The following GRIK1 variants were observed in gnomAD, a reference collection of about 807,000 sequenced individuals.
GRIK1 encodes the protein glutamate receptor ionotropic, kainate 1.
A neutral mutation model predicts 105.7 loss-of-function variants in GRIK1; 69 were observed. That is an observed-to-expected ratio of 0.65 (90% confidence interval 0.54 to 0.80). GRIK1 has a LOEUF of 0.80. GRIK1 is among the 30% of genes least tolerant of loss of function. The pLI, the probability that GRIK1 is intolerant of heterozygous loss-of-function variation, is 0.00. For synonymous variants in GRIK1, 438 were observed against 431.3 expected (o/e 1.02, Z -0.19); for missense variants, 1,109 against 1,167.3 (o/e 0.95, Z 0.73).
chr21:29,810,296 T>TA (rs11317254), intron 1 of GRIK1, among the ~76,000 whole-genome samples: 198 of 147,260 alleles, frequency 1.3e-3, no homozygotes, highest in East Asian at 0.01. Flanking sequence ...GACTCTGTCT[T>TA]AAAAAAAAAA....
chr21:29,790,927 G>C (rs963755857), intron 1 of GRIK1, among the ~76,000 whole-genome samples: 1 of 152,218 alleles, frequency 6.6e-6, no homozygotes, highest in South Asian at 2.1e-4. Flanking sequence ...AAGAGGCACT[G>C]ATGGTGGTGG....
At chr21:29,551,414 G>C (rs183488296) in intron 16 of GRIK1, among the ~76,000 whole-genome samples, 1 of 152,140 alleles carries the variant, frequency 6.6e-6, no homozygotes, top group African/African-American at 2.4e-5. Context: ...ATGTGGCTCT[G>C]CTAGAACCTG....
intron 6 of GRIK1, 102 bp downstream of exon 6, chr21:29,651,016 C>A (rs1350487109): frequency 2.5e-6 from 2 of 806,226 alleles, no homozygotes; most frequent in African/African-American, 1.8e-5. Context: ...AGTCAAGGCA[C>A]CCACTGTAAC....
chr21:29,823,933 T>C (rs2145934263), intron 1 of GRIK1, among the ~76,000 whole-genome samples: 2 of 152,060 alleles, frequency 1.3e-5, no homozygotes, highest in South Asian at 2.1e-4. Flanking sequence ...TTTAGTTTAA[T>C]GGGAATACCA....
intron 1 of GRIK1, chr21:29,861,752 G>C (rs571494002): frequency 1.5e-5 from 6 of 388,330 alleles, no homozygotes; most frequent in African/African-American, 2.1e-5. Context: ...CTGTTGATAT[G>C]GTGGATTGCA....
At chr21:29,580,062 T>C (rs1429225016) in intron 13 of GRIK1, among the ~76,000 whole-genome samples, 42 of 145,778 alleles carry the variant, frequency 2.9e-4, no homozygotes, top group African/African-American at 1.0e-3. Context: ...TGTATATATA[T>C]ATGTGTATAT....
chr21:29,615,802 C>T (rs969969513), intron 7 of GRIK1, among the ~76,000 whole-genome samples: 5 of 152,178 alleles, frequency 3.3e-5, no homozygotes, highest in Admixed American at 6.5e-5. Flanking sequence ...AAGGCTTTTG[C>T]GGTTTCACCT....
In GRIK1 at chr21:29,553,783, T is replaced by G. The variant is rs117126151; in HGVS notation, c.2607+1269A>C. The G allele has an allele frequency of 1.5e-3, 1,461 of 981,382 alleles. 22 individuals carry two copies. In the East Asian group the frequency reaches 0.029, roughly 20 times the overall value. The allele number at this position is 981,382 out of a possible 1,614,324, so 60.8% of individuals were successfully genotyped here. On this transcript the variant is annotated intron_variant, in intron 16 of 17. Coordinates refer to ENST00000327783, the MANE Select transcript of GRIK1 (RefSeq NM_001330994.2). ...CAAGAATGAATGTTTAAATGAAAAT[T>G]TACATCACATGAAGCTGGCAACTAT... is the stretch of plus-strand genomic sequence containing the variant.
chr21:29,693,058 T>C (rs1423009555), intron 2 of GRIK1, among the ~76,000 whole-genome samples: 1 of 152,216 alleles, frequency 6.6e-6, no homozygotes, highest in Non-Finnish European at 1.5e-5. Context: ...GTGTTCATTG[T>C]GTTTCCTTAT....
chr21:29,797,619 TA>T (rs1192460556), intron 1 of GRIK1, among the ~76,000 whole-genome samples: 1 of 152,220 alleles, frequency 6.6e-6, no homozygotes, highest in African/African-American at 2.4e-5. Flanking sequence ...TATATGTAAT[TA>T]GTTGCATTTG....
At chr21:29,622,073 A>G (rs2062018518) in intron 7 of GRIK1, among the ~76,000 whole-genome samples, 1 of 151,720 alleles carries the variant, frequency 6.6e-6, no homozygotes, top group African/African-American at 2.4e-5. Context: ...CAGCCTCCTG[A>G]GTAGCTGGGA....
chr21:29,626,413 C>T (rs1601312241), intron 7 of GRIK1, among the ~76,000 whole-genome samples: 1 of 152,082 alleles, frequency 6.6e-6, no homozygotes, highest in Non-Finnish European at 1.5e-5. Flanking sequence ...ACATTCAAAT[C>T]GTAACATCCA....
chr21:29,632,512 TACACACAC>T (rs5843396), intron 7 of GRIK1, among the ~76,000 whole-genome samples: 114 of 149,960 alleles, frequency 7.6e-4, no homozygotes, highest in African/African-American at 2.4e-3. Context: ...CAGACACAAA[TACACACAC>T]ACACACACAC....
At chr21:29,835,657 T>C (rs1362411252) in intron 1 of GRIK1, among the ~76,000 whole-genome samples, 4 of 152,198 alleles carry the variant, frequency 2.6e-5, no homozygotes, top group Non-Finnish European at 4.4e-5. Context: ...TCGGGATCTT[T>C]AAGGCTATAT....
chr21:29,750,193 T>C (rs1289804985), intron 1 of GRIK1, among the ~76,000 whole-genome samples: 2 of 152,038 alleles, frequency 1.3e-5, no homozygotes, highest in Admixed American at 1.3e-4. Context: ...ACCCTATTTT[T>C]AGTTCCTTCT....
At chr21:29,852,508 C>G (rs577470014) in intron 1 of GRIK1, among the ~76,000 whole-genome samples, 3 of 152,214 alleles carry the variant, frequency 2.0e-5, no homozygotes, top group Non-Finnish European at 4.4e-5. Flanking sequence ...ATTCTCTGTA[C>G]ATCTTGTCTC....
chr21:29,829,580 C>T (rs1381338090), intron 1 of GRIK1, among the ~76,000 whole-genome samples: 1 of 152,158 alleles, frequency 6.6e-6, no homozygotes, highest in African/African-American at 2.4e-5. Flanking sequence ...AGCAGTGCCA[C>T]TCAGTATCAT....
chr21:29,884,757 T>C (rs1233051049), intron 1 of GRIK1, among the ~76,000 whole-genome samples: 2 of 152,094 alleles, frequency 1.3e-5, no homozygotes, highest in Non-Finnish European at 2.9e-5. Context: ...AGAAATTAAG[T>C]AACTTGACTA....
chr21:29,538,716 T>G (rs1280217854), intron 16 of GRIK1, among the ~76,000 whole-genome samples: 2 of 152,190 alleles, frequency 1.3e-5, no homozygotes, highest in Non-Finnish European at 2.9e-5. Flanking sequence ...GTGTCTAAGT[T>G]GTAACTGCCT....
Sources: allele counts gnomAD v4.1 joint callset (sites outside exome capture counted in the v4.1 genomes callset), GRCh38; gene constraint gnomAD v4.1.1; transcripts MANE v1.5; gene names NCBI Gene and HGNC (gene_info 2026-07-23, HGNC 2026-07-21).